GOLGA5: variants seen among roughly 807,000 people sequenced by gnomAD.
GOLGA5 encodes golgin subfamily A member 5.
In GOLGA5, 50 loss-of-function variants were observed where a neutral mutation model predicts 93.5. The observed-to-expected ratio is 0.53, with a 90% CI of 0.43 to 0.68. The LOEUF is 0.68. Ranked by LOEUF, GOLGA5 falls within the 30% of genes least tolerant of loss-of-function variation. The probability of loss-of-function intolerance (pLI) is 0.00; values close to 1 mark genes in which losing one functional copy is unlikely to be tolerated. For missense variants in GOLGA5, 760 were observed against 856.4 expected (o/e 0.89, Z 1.40); for synonymous variants, 312 against 304.5 (o/e 1.02, Z -0.26).
intron 9 of GOLGA5, among the ~76,000 whole-genome samples, chr14:92,825,591 T>C (rs575454989): frequency 6.6e-6 from 1 of 152,282 alleles, no homozygotes; most frequent in African/African-American, 2.4e-5. Flanking sequence ...CCAGGTGAGG[T>C]AGTTCATGCT....
At chr14:92,801,279 G>A (rs1295855697) in intron 2 of GOLGA5, among the ~76,000 whole-genome samples, 1 of 152,198 alleles carries the variant, frequency 6.6e-6, no homozygotes, top group African/African-American at 2.4e-5. Flanking sequence ...ACCAGCTATG[G>A]TTAAGAACTT....
intron 10 of GOLGA5, among the ~76,000 whole-genome samples, chr14:92,834,194 T>TA (rs1225432701): frequency 8.5e-5 from 12 of 141,474 alleles, no homozygotes; most frequent in African/African-American, 2.7e-4. Context: ...CTTTTTTTTT[T>TA]TATTTTATTT....
At chr14:92,838,101 G>A (rs1885684062) in intron 12 of GOLGA5, among the ~76,000 whole-genome samples, 1 of 152,106 alleles carries the variant, frequency 6.6e-6, no homozygotes, top group African/African-American at 2.4e-5. Context: ...TTGTTTTCAT[G>A]TGTTTTGCTT....
chr14:92,816,757 C>T (rs955030710), intron 7 of GOLGA5, among the ~76,000 whole-genome samples: 6 of 152,110 alleles, frequency 3.9e-5, no homozygotes, highest in Non-Finnish European at 8.8e-5. Context: ...ACAGGGTATC[C>T]CTGTGTTGTC....
At chr14:92,838,848 G>A (rs1885701387) in intron 12 of GOLGA5, among the ~76,000 whole-genome samples, 1 of 152,150 alleles carries the variant, frequency 6.6e-6, no homozygotes, top group South Asian at 2.1e-4. Flanking sequence ...ACAAAGTGGT[G>A]AGGCACTTAG....
At chr14:92,824,765 C>A in intron 9 of GOLGA5, 121 bp downstream of exon 9, 1 of 594,502 alleles carries the variant, frequency 1.7e-6, no homozygotes, top group Non-Finnish European at 3.0e-6. Flanking sequence ...ACAGTGGTGA[C>A]AAAAGTTCTT....
intron 11 of GOLGA5, 41 bp from the exon 12 acceptor site, chr14:92,837,345 C>G: frequency 2.1e-6 from 2 of 947,546 alleles, no homozygotes; most frequent in Non-Finnish European, 3.3e-6. Flanking sequence ...TTGACTGTGA[C>G]TCTTCTCTCT....
rs1802458 is a variant in GOLGA5 at position 92,839,712 on chromosome 14, T to C, written c.*266T>C. 2.0e-6 allele frequency: 1 copy of C among 504,656 alleles called. No homozygotes were observed. Among genetic ancestry groups the C allele is most frequent in the Non-Finnish European group, 3.5e-6 (1 of 283,126 alleles). The allele number at this position is 504,656 out of a possible 1,614,324, so 31.3% of individuals were successfully genotyped here. ...GTCCTAATATATATGTAGAGAAAGA[T>C]GGTGGGGTTGTTCACCTCTGTACAG... On this transcript the variant is annotated 3_prime_UTR_variant, in exon 13 of 13. Coordinates refer to ENST00000163416, the MANE Select transcript of GOLGA5 (RefSeq NM_005113.4).
intron 2 of GOLGA5, among the ~76,000 whole-genome samples, chr14:92,805,600 G>T (rs559632483): frequency 6.6e-6 from 1 of 152,244 alleles, no homozygotes; most frequent in East Asian, 1.9e-4. Flanking sequence ...CCATTTTATA[G>T]TCCCACCAGC....
In GOLGA5 at chr14:92,835,241, C is replaced by T. The variant is rs541112726; in HGVS notation, c.1946-318C>T. ...TCCTCTGCTTCATAGAAAGACCACC[C>T]GGCCTCACTCCTCCTCACATAGGAA... On this transcript the variant is annotated intron_variant, in intron 10 of 12. Transcript: ENST00000163416. Among the ~76,000 whole-genome samples the T allele has an allele frequency of 2.5e-3, 388 of 152,274 alleles. No homozygotes were observed. In the Middle Eastern group the frequency reaches 0.027, roughly 11 times the overall value.
intron 2 of GOLGA5, 24 bp downstream of exon 2, chr14:92,798,005 C>T: frequency 1.4e-6 from 2 of 1,458,374 alleles, no homozygotes; most frequent in Non-Finnish European, 9.3e-7. Context: ...CCTCTTATTT[C>T]TTTTAGAGTT....
intron 6 of GOLGA5, among the ~76,000 whole-genome samples, chr14:92,813,637 A>G: frequency 6.6e-6 from 1 of 152,208 alleles, no homozygotes; most frequent in Non-Finnish European, 1.5e-5. Flanking sequence ...AACGGCAGGC[A>G]GAAGCCATGG....
At chr14:92,821,120 G>C (rs905959907) in intron 8 of GOLGA5, among the ~76,000 whole-genome samples, 1 of 152,150 alleles carries the variant, frequency 6.6e-6, no homozygotes, top group Non-Finnish European at 1.5e-5. Flanking sequence ...CTATTACCCT[G>C]TCTGTATTTT....
At chr14:92,838,225 G>A (rs1410896306) in intron 12 of GOLGA5, among the ~76,000 whole-genome samples, 3 of 152,180 alleles carry the variant, frequency 2.0e-5, no homozygotes, top group African/African-American at 7.2e-5. Context: ...GCCTAAAAAG[G>A]CTGCTAACTA....
Position 92,806,965 on chromosome 14 carries a change from T to C in GOLGA5, c.772+2T>C. On this transcript the variant is annotated splice_donor_variant, in intron 3 of 12. Coordinates refer to ENST00000163416, the MANE Select transcript of GOLGA5 (RefSeq NM_005113.4). LOFTEE classifies it high-confidence loss of function. ...AAAGATCCAAAGAGACTCAAGAAGG[T>C]AGAGGCTTAAATTGTTCAGGATTAG... 1 of 1,545,956 alleles carries C rather than the reference T, an allele frequency of 6.5e-7. No homozygotes were observed.
intron 7 of GOLGA5, among the ~76,000 whole-genome samples, chr14:92,818,027 G>A (rs1002459193): frequency 8.6e-5 from 13 of 151,648 alleles, no homozygotes; most frequent in Non-Finnish European, 1.8e-4. Flanking sequence ...TTTTTAATCT[G>A]TGAATTTGAA....
intron 8 of GOLGA5, among the ~76,000 whole-genome samples, chr14:92,823,494 G>A (rs1885355990): frequency 6.6e-6 from 1 of 150,958 alleles, no homozygotes; most frequent in Non-Finnish European, 1.5e-5. Context: ...GCTCACTGCA[G>A]CCTCGACCTC....
intron 3 of GOLGA5, among the ~76,000 whole-genome samples, chr14:92,808,115 T>C (rs538482185): frequency 1.3e-5 from 2 of 152,238 alleles, no homozygotes; most frequent in East Asian, 1.9e-4. Context: ...GTGCCTGTTA[T>C]TCCAGCTACT....
intron 10 of GOLGA5, 50 bp downstream of exon 10, chr14:92,833,397 G>GAA (rs754017211): frequency 4.6e-5 from 60 of 1,300,370 alleles, no homozygotes; most frequent in Non-Finnish European, 6.7e-5. Flanking sequence ...ACATGCTTTT[G>GAA]AAAAGTTATA....
Sources: gnomAD v4.1 joint callset for allele counts (sites outside exome capture counted in the v4.1 genomes callset) on GRCh38, gnomAD v4.1.1 for gene constraint, MANE v1.5 for transcripts, NCBI Gene and HGNC (gene_info 2026-07-23, HGNC 2026-07-21) for gene names.